The following GPR39 variants were observed in gnomAD, a reference collection of about 807,000 sequenced individuals.
GPR39 encodes G protein-coupled receptor 39, also known as zinc sensing receptor.
Under a neutral mutation model 18.4 loss-of-function variants are expected in GPR39, and 23 were observed. The observed-to-expected ratio is 1.25, with a 90% CI of 0.90 to 1.77. The LOEUF (loss-of-function observed/expected upper bound fraction) is 1.77. GPR39 is among the 40% of genes most tolerant of loss of function. GPR39 has a pLI of 0.00. For synonymous variants in GPR39, 280 were observed against 257.9 expected, an observed-to-expected ratio of 1.09 and a Z score of -0.82; for missense variants, 647 against 602.4, an observed-to-expected ratio of 1.07 and a Z score of -0.78.
intron 1 of GPR39, among the ~76,000 whole-genome samples, chr2:132,470,496 G>A (rs1241064029): frequency 1.3e-5 from 2 of 152,124 alleles, no homozygotes; most frequent in East Asian, 3.9e-4. Context: ...AACGGGGCAA[G>A]TAGGGTGCCG....
intron 1 of GPR39, among the ~76,000 whole-genome samples, chr2:132,560,975 G>T (rs61402637): frequency 3.3e-5 from 5 of 149,672 alleles, no homozygotes; most frequent in Admixed American, 6.7e-5. Flanking sequence ...GTGTAGTGGC[G>T]CCATCTCTAC....
intron 1 of GPR39, among the ~76,000 whole-genome samples, chr2:132,575,947 G>A (rs531915347): frequency 1.3e-5 from 2 of 152,256 alleles, no homozygotes; most frequent in African/African-American, 4.8e-5. Context: ...TCTAACATGT[G>A]AGGAAACCGC....
chr2:132,567,886 A>G lies in GPR39; in HGVS notation c.857-77215A>G, dbSNP rs1356307819. 3.0e-3 allele frequency among the ~76,000 whole-genome samples: 455 copies of G among 151,748 alleles called. 1 individual carries two copies. Among genetic ancestry groups the G allele is most frequent in the African/African-American group, 0.01 (426 of 41,060 alleles). On this transcript the variant is annotated intron_variant, in intron 1 of 1. Transcript: ENST00000329321. Reference sequence around the variant, plus strand: ...TGGTTTTAAAAAGGGGAGTTTCCCTACACAAGCGCTCTTCTCTTGTCTGCC... The same window carrying G: ...TGGTTTTAAAAAGGGGAGTTTCCCTGCACAAGCGCTCTTCTCTTGTCTGCC...
intron 1 of GPR39, among the ~76,000 whole-genome samples, chr2:132,631,641 A>G (rs1681651592): frequency 1.3e-5 from 2 of 152,160 alleles, no homozygotes; most frequent in Admixed American, 1.3e-4. Flanking sequence ...TTGGCTGCAG[A>G]TTATTCCAAG....
At chr2:132,529,047 C>T (rs549210388) in intron 1 of GPR39, among the ~76,000 whole-genome samples, 11 of 152,194 alleles carry the variant, frequency 7.2e-5, no homozygotes, top group African/African-American at 1.7e-4. Context: ...GCGCACTGTG[C>T]GTGAGCTGAA....
At chr2:132,555,336 C>T (rs937546782) in intron 1 of GPR39, among the ~76,000 whole-genome samples, 3 of 152,100 alleles carry the variant, frequency 2.0e-5, no homozygotes, top group Non-Finnish European at 4.4e-5. Flanking sequence ...TTCTTTTGGT[C>T]AGGAATGCAG....
chr2:132,646,163 G>T lies in GPR39; in HGVS notation c.*557G>T, dbSNP rs765051985. The T allele has an allele frequency of 3.1e-6, 5 of 1,611,932 alleles. No individual in the cohort carries two copies. Among genetic ancestry groups the T allele is most frequent in the South Asian group, 1.1e-5 (1 of 90,674 alleles). On this transcript the variant is annotated 3_prime_UTR_variant, in exon 2 of 2. Transcript: ENST00000329321. ...GGGCCTTGGCCCGTTACAAAGAGGG[G>T]TGTTGCAGCAGCTGATGCAAACTGA...
intron 1 of GPR39, among the ~76,000 whole-genome samples, chr2:132,482,026 C>T (rs929752982): frequency 1.3e-5 from 2 of 152,138 alleles, no homozygotes; most frequent in African/African-American, 4.8e-5. Flanking sequence ...CCATCTGGAC[C>T]ATCACTTGCA....
chr2:132,493,193 C>T (rs1290016844), intron 1 of GPR39, among the ~76,000 whole-genome samples: 3 of 135,946 alleles, frequency 2.2e-5, no homozygotes, highest in African/African-American at 9.3e-5. Context: ...CATATATATA[C>T]ACCATATATA....
rs570778696 is a variant in GPR39, at chr2:132,474,950, G to A, written c.856+57052G>A. On this transcript the variant is annotated intron_variant, in intron 1 of 1. Transcript: ENST00000329321. ...TCTCAGAGAATTTATCATGTGATGG[G>A]GTCTCAGGTTTTACAGAGTAAATCC... 2.0e-5 allele frequency among the ~76,000 whole-genome samples: 3 copies of A among 152,176 alleles called. No homozygotes were observed. In the East Asian group the frequency reaches 5.8e-4, roughly 29 times the overall value.
chr2:132,464,694 C>A (rs1026360622), intron 1 of GPR39, among the ~76,000 whole-genome samples: 2 of 152,172 alleles, frequency 1.3e-5, no homozygotes, highest in African/African-American at 4.8e-5. Context: ...TCCCCAGACC[C>A]AGCCTGTGTC....
At chr2:132,557,592 TGAGA>T (rs57544662) in intron 1 of GPR39, among the ~76,000 whole-genome samples, 62,691 of 147,896 alleles carry the variant, frequency 0.42, 13,606 homozygotes, top group East Asian at 0.85. Context: ...AAAGAAAGGA[TGAGA>T]GAGAGAGAGA....
intron 1 of GPR39, among the ~76,000 whole-genome samples, chr2:132,521,890 G>T (rs1247012070): frequency 6.6e-6 from 1 of 152,160 alleles, no homozygotes; most frequent in African/African-American, 2.4e-5. Context: ...ATGGAACAAA[G>T]TGTTCTTCTT....
At chr2:132,546,435 G>T (rs561347845) in intron 1 of GPR39, among the ~76,000 whole-genome samples, 1 of 152,300 alleles carries the variant, frequency 6.6e-6, no homozygotes, top group East Asian at 1.9e-4. Flanking sequence ...TGTGGGCAAG[G>T]TTGCTGGAAG....
chr2:132,509,400 G>A (rs1679197589), intron 1 of GPR39, among the ~76,000 whole-genome samples: 1 of 151,908 alleles, frequency 6.6e-6, no homozygotes, highest in Non-Finnish European at 1.5e-5. Context: ...TTCTCCATCT[G>A]AGTCCAATGC....
chr2:132,602,266 G>A (rs1436195812), intron 1 of GPR39, among the ~76,000 whole-genome samples: 1 of 152,086 alleles, frequency 6.6e-6, no homozygotes, highest in East Asian at 1.9e-4. Context: ...CAGCAAAGGT[G>A]CCAAGAATAC....
intron 1 of GPR39, among the ~76,000 whole-genome samples, chr2:132,439,419 T>C (rs1456886775): frequency 6.6e-6 from 1 of 152,232 alleles, no homozygotes; most frequent in African/African-American, 2.4e-5. Context: ...GGACAGATTA[T>C]CCTGTTGAAA....
intron 1 of GPR39, among the ~76,000 whole-genome samples, chr2:132,430,879 T>C (rs1017743308): frequency 6.6e-6 from 1 of 152,226 alleles, no homozygotes; most frequent in Admixed American, 6.5e-5. Flanking sequence ...AGTTCCTTCT[T>C]TGTTCCATGC....
intron 1 of GPR39, among the ~76,000 whole-genome samples, chr2:132,543,604 G>A (rs763230163): frequency 3.9e-5 from 6 of 152,168 alleles, no homozygotes; most frequent in Non-Finnish European, 8.8e-5. Context: ...GAGAGATATA[G>A]AAACCTATTT....
Sources: allele counts gnomAD v4.1 joint callset (sites outside exome capture counted in the v4.1 genomes callset), GRCh38; gene constraint gnomAD v4.1.1; transcripts MANE v1.5; gene names NCBI Gene and HGNC (gene_info 2026-07-23, HGNC 2026-07-21).